Variants in LPA observed in about 807,000 individuals in gnomAD.
LPA encodes the protein apolipoprotein(a).
LPA carries 199 observed loss-of-function variants against 197.9 expected under a neutral mutation model. That is an observed-to-expected ratio of 1.01 (90% CI 0.90 to 1.13). The LOEUF (loss-of-function observed/expected upper bound fraction) is 1.13. LPA is among the 50% of genes most tolerant of loss of function. LPA has a pLI of 0.00. For synonymous variants in LPA, 715 were observed against 639.5 expected, an observed-to-expected ratio of 1.12 and a Z score of -1.78; for missense variants, 1,853 against 1,785.8, an observed-to-expected ratio of 1.04 and a Z score of -0.68.
At chr6:160,549,384 A>G (rs1217365104) in intron 30 of LPA, among the ~76,000 whole-genome samples, 1 of 152,222 alleles carries the variant, frequency 6.6e-6, no homozygotes, top group Non-Finnish European at 1.5e-5. Context: ...GAACCGGTAT[A>G]CGGATTTTGA....
At position 160,601,007 on chromosome 6, in the gene LPA, T is replaced by G; in HGVS notation, c.3037A>C (p.Asn1013His). Reference sequence around the variant, plus strand: ...TCTGCATCTGAGCATCGTGTCAGGTTGCAGTACTCCCACCTGACACTGGGA... The same window carrying G: ...TCTGCATCTGAGCATCGTGTCAGGTGGCAGTACTCCCACCTGACACTGGGA... ...TDPSVRWEYC[N>H]LTRCSDAEWT... The change falls in exon 19 of 39, where the codon AAC becomes CAC. Residue 1013 changes from asparagine (N) to histidine (H), a missense_variant. Physicochemically the swap from Asn to His is moderately conservative, Grantham distance 68. Coordinates refer to ENST00000316300, the MANE Select transcript of LPA (RefSeq NM_005577.4). The G allele has an allele frequency of 1.2e-6, 2 of 1,613,886 alleles. No individual in the cohort carries two copies. The highest frequency in any genetic ancestry group is 2.2e-5 in the East Asian group (1 of 44,858).
Position 160,532,511 on chromosome 6 carries a change from A to T in LPA, c.5961+20T>A, listed in dbSNP as rs757468292. On this transcript the variant is annotated intron_variant, in intron 38 of 38. Transcript: ENST00000316300. ...TGAGACGGGAGAGCACAAGACTTTG[A>T]TCTATTGATCTTTTCTTACCTGGCA... 1.3e-6 allele frequency: 2 copies of T among 1,532,962 alleles called. No homozygotes were observed. Among genetic ancestry groups the T allele is most frequent in the Admixed American group, 3.3e-5 (2 of 59,866 alleles). The allele number at this position is 1,532,962 out of a possible 1,614,324, so 95.0% of individuals were successfully genotyped here.
intron 1 of LPA, among the ~76,000 whole-genome samples, chr6:160,655,412 C>T (rs1396010580): frequency 6.6e-6 from 1 of 152,224 alleles, no homozygotes; most frequent in Admixed American, 6.5e-5. Context: ...AATGGCAGAG[C>T]AGCTTTCACA....
At chr6:160,604,697 G>A (rs1318307345) in intron 18 of LPA, among the ~76,000 whole-genome samples, 1 of 152,104 alleles carries the variant, frequency 6.6e-6, no homozygotes, top group Non-Finnish European at 1.5e-5. Context: ...TTCAGGAATT[G>A]GAGTTTAGTT....
At chr6:160,653,327 G>T (rs1780038623) in intron 1 of LPA, among the ~76,000 whole-genome samples, 1 of 151,926 alleles carries the variant, frequency 6.6e-6, no homozygotes, top group Non-Finnish European at 1.5e-5. Context: ...GTTAAAGTTG[G>T]ACACATCACC....
intron 26 of LPA, among the ~76,000 whole-genome samples, chr6:160,583,115 TTA>T (rs1778831393): frequency 6.6e-6 from 1 of 152,178 alleles, no homozygotes; most frequent in East Asian, 1.9e-4. Flanking sequence ...TTGAACACAA[TTA>T]TGATACATAC....
intron 2 of LPA, among the ~76,000 whole-genome samples, 197 bp from the exon 3 acceptor site, chr6:160,646,592 T>C (rs563792450): frequency 0.071 from 5,109 of 71,816 alleles, 302 homozygotes; most frequent in Non-Finnish European, 0.1. Context: ...ACTTAATAGA[T>C]TATTACTATT....
intron 37 of LPA, among the ~76,000 whole-genome samples, chr6:160,537,369 CAT>C (rs10573335): frequency 0.018 from 2,728 of 152,236 alleles, 84 homozygotes; most frequent in African/African-American, 0.062. Flanking sequence ...ACACATTAGA[CAT>C]GTGGGTATTT....
chr6:160,578,428 C>A, intron 27 of LPA, 95 bp downstream of exon 27: 1 of 1,499,346 alleles, frequency 6.7e-7, no homozygotes, highest in East Asian at 2.3e-5. Context: ...GACCCTCAAC[C>A]AACCCTCCAG....
chr6:160,571,818 GGGT>G (rs1778567261), intron 28 of LPA, among the ~76,000 whole-genome samples: 1 of 152,178 alleles, frequency 6.6e-6, no homozygotes, highest in African/African-American at 2.4e-5. Flanking sequence ...GGCTCCATGG[GGGT>G]GGGATCCACT....
intron 30 of LPA, among the ~76,000 whole-genome samples, chr6:160,551,559 T>C (rs981872615): frequency 3.3e-5 from 5 of 152,356 alleles, no homozygotes; most frequent in Non-Finnish European, 7.3e-5. Context: ...TAATTTGTTT[T>C]ATTTTATAGT....
chr6:160,594,338 C>A (rs1167868815), intron 21 of LPA, among the ~76,000 whole-genome samples: 1 of 152,170 alleles, frequency 6.6e-6, no homozygotes, highest in Non-Finnish European at 1.5e-5. Context: ...ACACAGGCAC[C>A]AAAGGAAAGA....
At chr6:160,598,200 A>G (rs762648842) in intron 20 of LPA, among the ~76,000 whole-genome samples, 31 of 152,102 alleles carry the variant, frequency 2.0e-4, no homozygotes, top group Non-Finnish European at 4.0e-4. Flanking sequence ...TTGTTCCTCA[A>G]TATATGGTGT....
rs1778247900 is a variant in LPA, at chr6:160,555,529, GA to G, written c.4973+495del. 2.8e-5 allele frequency among the ~76,000 whole-genome samples: 4 copies of G among 145,330 alleles called. No individual in the cohort carries two copies. The South Asian group carries it at 8.6e-4, about 31-fold the overall frequency. The stretch of plus-strand genomic sequence containing the variant: ...AACATATATATATGAACATATATAT[GA>G]ATACTAACTTATATGAACATATATA... On this transcript the variant is annotated intron_variant, in intron 30 of 38. Transcript: ENST00000316300.
intron 22 of LPA, among the ~76,000 whole-genome samples, chr6:160,591,703 G>T (rs1779033402): frequency 6.6e-6 from 1 of 152,150 alleles, no homozygotes. Flanking sequence ...TCCCTCCTTG[G>T]TCTGTCATCT....
At chr6:160,591,169 A>T in intron 22 of LPA, 68 bp from the exon 23 acceptor site, 2 of 1,590,806 alleles carry the variant, frequency 1.3e-6, no homozygotes, top group Non-Finnish European at 1.7e-6. Flanking sequence ...GACATCCTCT[A>T]CATTTTGTTG....
At position 160,547,876 on chromosome 6, in the gene LPA, C is replaced by T. The variant is rs369164239; in HGVS notation, c.5217G>A (p.Thr1739=). ...CCTGGGCAGCCCATTCCTGGCATGG[C>T]GTCCCAGTAACAGTGGTTGCCTTCT... is the stretch of plus-strand genomic sequence containing the variant. ...RGKKATTVTG[T]PCQEWAAQEP... is the part of the protein sequence containing the mutation. Residue 1739 remains threonine, a synonymous_variant, in exon 32 of 39, where the codon ACG becomes ACA. Transcript: ENST00000316300. 33 of 1,613,952 alleles carry T rather than the reference C, an allele frequency of 2.0e-5. No individual in the cohort carries two copies. Among genetic ancestry groups the T allele is most frequent in the Middle Eastern group, 1.6e-4 (1 of 6,084 alleles).
chr6:160,606,421 C>A, intron 17 of LPA, 56 bp downstream of exon 17: 1 of 1,597,000 alleles, frequency 6.3e-7, no homozygotes, highest in East Asian at 2.2e-5. Flanking sequence ...TGGGAATTTC[C>A]ATGGCTTTTC....
intron 24 of LPA, among the ~76,000 whole-genome samples, chr6:160,587,998 C>T (rs183182295): frequency 6.6e-6 from 1 of 151,942 alleles, no homozygotes; most frequent in African/African-American, 2.4e-5. Context: ...TGCTATTCTG[C>T]TTTTGTTTCT....
Sources: allele counts gnomAD v4.1 joint callset (sites outside exome capture counted in the v4.1 genomes callset), GRCh38; gene constraint gnomAD v4.1.1; transcripts MANE v1.5; gene names NCBI Gene and HGNC (gene_info 2026-07-23, HGNC 2026-07-21).